The following AAAS variants were observed in gnomAD, a reference collection of about 807,000 sequenced individuals.
AAAS encodes aladin WD repeat nucleoporin.
In AAAS, 60 loss-of-function variants were observed where a neutral mutation model predicts 75.6. That is an observed-to-expected ratio of 0.79 (90% CI 0.64 to 0.98). The LOEUF is 0.98. Ranked by LOEUF, AAAS falls within the 50% of genes least tolerant of loss-of-function variation. The pLI is 0.00. For missense variants in AAAS, 658 were observed against 686.9 expected (o/e 0.96, Z 0.47); for synonymous variants, 271 against 265.0 (o/e 1.02, Z -0.22).
chr12:53,320,764 A>C, intron 1 of AAAS, 72 bp from the exon 2 acceptor site: 1 of 1,555,556 alleles, frequency 6.4e-7, no homozygotes, highest in Non-Finnish European at 8.9e-7. Context: ...TGCCATCTCC[A>C]ACCCACCGCT....
chr12:53,318,462 C>T (rs1349833934), intron 2 of AAAS, among the ~76,000 whole-genome samples: 1 of 152,140 alleles, frequency 6.6e-6, no homozygotes, highest in Non-Finnish European at 1.5e-5. Context: ...ATACACCCGC[C>T]TTGGCCTCCC....
intron 2 of AAAS, 115 bp downstream of exon 2, chr12:53,320,450 T>C: frequency 2.1e-6 from 3 of 1,425,304 alleles, no homozygotes; most frequent in South Asian, 2.3e-5. Context: ...TATACAGCTC[T>C]CGTGGAGACA....
At position 53,319,201 on chromosome 12, in the gene AAAS, C is replaced by CT. The variant is rs113552254; in HGVS notation, c.251+1363dup. ...GTATTAATAAAAATATTAAGTAACC[C>CT]TTTTTTTTTTTTTGAGACAAGGTCT... On this transcript the variant is annotated intron_variant, in intron 2 of 15. Coordinates refer to ENST00000209873, the MANE Select transcript of AAAS (RefSeq NM_015665.6). 8.8e-4 allele frequency among the ~76,000 whole-genome samples: 128 copies of CT among 145,540 alleles called. 1 individual carries two copies. The highest frequency in any genetic ancestry group is 8.3e-4 in the African/African-American group (33 of 39,864).
At chr12:53,318,166 C>T (rs1320538910) in intron 2 of AAAS, among the ~76,000 whole-genome samples, 1 of 151,566 alleles carries the variant, frequency 6.6e-6, no homozygotes, top group African/African-American at 2.4e-5. Context: ...GCTGAGACTA[C>T]GGGTGCACAC....
Position 53,320,590 on chromosome 12 carries a change from C to G in AAAS, c.226G>C (p.Val76Leu). ...RTAFIHHREQ[V>L]WKRCINIWRD... Reference sequence around the variant, plus strand: ...CAAATGTTGATGCATCTCTTCCACACTTGCTCCCGGTGATGGATGAAGGCA... The same window carrying G: ...CAAATGTTGATGCATCTCTTCCACAGTTGCTCCCGGTGATGGATGAAGGCA... Residue 76 changes from valine to leucine, a missense_variant, in exon 2 of 16, where the codon GTG becomes CTG. Physicochemically the swap from Val to Leu is conservative, Grantham distance 32. Transcript: ENST00000209873. 6.2e-7 allele frequency: 1 copy of G among 1,614,030 alleles called. No homozygotes were observed. Among genetic ancestry groups the G allele is most frequent in the Non-Finnish European group, 8.5e-7 (1 of 1,179,960 alleles).
At chr12:53,312,502 T>G (rs1164462440) in intron 7 of AAAS, among the ~76,000 whole-genome samples, 1 of 151,182 alleles carries the variant, frequency 6.6e-6, no homozygotes, top group Non-Finnish European at 1.5e-5. Flanking sequence ...GAGGCTGAGG[T>G]TGCAGTGAGT....
rs1200369178 is a variant in AAAS at position 53,307,541 on chromosome 12, G to A, written c.1589C>T (p.Pro530Leu). 1.2e-6 allele frequency: 2 copies of A among 1,614,206 alleles called. No homozygotes were observed. Among genetic ancestry groups the A allele is most frequent in the Admixed American group, 1.7e-5 (1 of 60,024 alleles). Residue 530 changes from proline (P) to leucine (L), a missense_variant, in exon 16 of 16, where the codon CCT becomes CTT. Pro to Leu is a moderately conservative substitution (Grantham distance 98). Transcript: ENST00000209873. The part of the protein sequence containing the change: ...ETSPTSAPWD[P>L]LPGPPPVLPH... ...CAGAACAGGTGGTGGCCCTGGGAGA[G>A]GGTCCCAAGGGGCAGAGGTTGGGGA... is the stretch of plus-strand genomic sequence containing the variant.
chr12:53,320,622 G>A lies in AAAS; in HGVS notation c.194C>T (p.Thr65Ile). The stretch of plus-strand genomic sequence containing the variant: ...CCGGTGATGGATGAAGGCAGTTCTT[G>A]TGCCATGGTCCAGCCTTCCAGGGGT... ...LKTPGRLDHGTRTAFIHHREQ... is the reference protein window; with the variant it reads ...LKTPGRLDHGIRTAFIHHREQ... The change falls in exon 2 of 16, where the codon ACA becomes ATA. Residue 65 changes from threonine to isoleucine, a missense_variant. By Grantham distance (89) the Thr-to-Ile change is moderately conservative. Transcript: ENST00000209873. 1 of 1,614,136 alleles carries A rather than the reference G, an allele frequency of 6.2e-7. No individual in the cohort carries two copies.
At chr12:53,314,147 G>T (rs750353230) in intron 7 of AAAS, 151 bp downstream of exon 7, 1 of 1,168,608 alleles carries the variant, frequency 8.6e-7, no homozygotes, top group Non-Finnish European at 1.3e-6. Context: ...AGTATTCTCA[G>T]CAACCCACCT....
intron 6 of AAAS, 47 bp from the exon 7 acceptor site, chr12:53,314,488 C>T (rs776399575): frequency 1.7e-5 from 27 of 1,611,682 alleles, no homozygotes; most frequent in Non-Finnish European, 2.1e-5. Flanking sequence ...AACACTAAGG[C>T]TCCAGGGACC....
chr12:53,308,024 C>T, intron 14 of AAAS, 28 bp downstream of exon 14: 1 of 1,614,054 alleles, frequency 6.2e-7, no homozygotes, highest in African/African-American at 1.3e-5. Context: ...GTGAGAAGTC[C>T]AGACCTAAGG....
chr12:53,316,656 T>C (rs1273947571), intron 2 of AAAS, among the ~76,000 whole-genome samples: 2 of 141,750 alleles, frequency 1.4e-5, no homozygotes, highest in Non-Finnish European at 3.0e-5. Context: ...AGCTACTCCA[T>C]AGGCTGAGGC....
At chr12:53,310,582 A>T (rs1214140127) in intron 7 of AAAS, among the ~76,000 whole-genome samples, 1 of 150,178 alleles carries the variant, frequency 6.7e-6, no homozygotes, top group Non-Finnish European at 1.5e-5. Context: ...AAAAAGATGC[A>T]GCATGTGGCT....
chr12:53,308,156 T>C (rs1284242957), intron 13 of AAAS, 23 bp from the exon 14 acceptor site: 2 of 1,613,474 alleles, frequency 1.2e-6, no homozygotes, highest in Admixed American at 1.7e-5. Context: ...GATCCAGGGA[T>C]AGGGGAGGAA....
intron 13 of AAAS, 62 bp from the exon 14 acceptor site, chr12:53,308,195 CA>C: frequency 6.2e-7 from 1 of 1,611,252 alleles, no homozygotes; most frequent in East Asian, 2.2e-5. Flanking sequence ...AGGACATGGG[CA>C]GAGGAGAACT....
intron 2 of AAAS, 126 bp from the exon 3 acceptor site, chr12:53,315,908 T>G: frequency 9.9e-7 from 1 of 1,015,104 alleles, no homozygotes; most frequent in South Asian, 1.4e-5. Context: ...GCCAACTATG[T>G]ACCAGGCACT....
chr12:53,318,253 T>TGTGTGCGTGTGC, intron 2 of AAAS, among the ~76,000 whole-genome samples: 1 of 85,498 alleles, frequency 1.2e-5, no homozygotes, highest in Admixed American at 1.1e-4. Flanking sequence ...TGCGTGTGTG[T>TGTGTGCGTGTGC]GTGTGTGTGT....
chr12:53,321,442 AG>A lies in AAAS; in HGVS notation c.23del (p.Pro8LeufsTer19). 2 of 1,614,180 alleles carry A rather than the reference AG, an allele frequency of 1.2e-6. No individual in the cohort carries two copies. Among genetic ancestry groups the A allele is most frequent in the Non-Finnish European group, 1.7e-6 (2 of 1,180,036 alleles). The part of the protein sequence containing the change: MCSLGLF[P>X]PPPPRGQVTL... ...TGACTTGACCCCGAGGCGGTGGAGGAGGGAACAACCCCAGAGAGCACATCTT... is the reference window on the plus strand; with the variant it reads ...TGACTTGACCCCGAGGCGGTGGAGGAGGAACAACCCCAGAGAGCACATCTT... On this transcript the variant is annotated frameshift_variant, in exon 1 of 16. Transcript: ENST00000209873. LOFTEE classifies it high-confidence loss of function.
rs573407200 is a variant in AAAS, at chr12:53,311,456, A to G, written c.690-1735T>C. 9.2e-5 allele frequency among the ~76,000 whole-genome samples: 14 copies of G among 152,270 alleles called. No individual in the cohort carries two copies. In the South Asian group the frequency reaches 2.5e-3, roughly 27 times the overall value. On this transcript the variant is annotated intron_variant, in intron 7 of 15. Transcript: ENST00000209873. Reference sequence around the variant, plus strand: ...TTTGTATTTTTAGTAGAAACAAAAAAAACCAACAACCTTCCAGGCGTGGTG... The same window carrying G: ...TTTGTATTTTTAGTAGAAACAAAAAGAACCAACAACCTTCCAGGCGTGGTG...
Sources: gnomAD v4.1 joint callset for allele counts (sites outside exome capture counted in the v4.1 genomes callset) on GRCh38, gnomAD v4.1.1 for gene constraint, MANE v1.5 for transcripts, NCBI Gene and HGNC (gene_info 2026-07-23, HGNC 2026-07-21) for gene names.